The following LAMC2 variants were observed in gnomAD, a reference collection of about 807,000 sequenced individuals.
LAMC2 encodes the protein laminin subunit gamma 2.
Under a neutral mutation model 140.2 loss-of-function variants are expected in LAMC2, and 97 were observed. That is an observed-to-expected ratio of 0.69 (90% confidence interval 0.59 to 0.82). The LOEUF (loss-of-function observed/expected upper bound fraction) is 0.82. Ranked by LOEUF, LAMC2 falls within the 40% of genes least tolerant of loss-of-function variation. The pLI is 0.00. For synonymous variants in LAMC2, 513 were observed against 540.2 expected (o/e 0.95, Z 0.70); for missense variants, 1,402 against 1,476.1 (o/e 0.95, Z 0.82).
intron 14 of LAMC2, among the ~76,000 whole-genome samples, chr1:183,233,202 C>CA (rs1659851172): frequency 6.6e-6 from 1 of 151,880 alleles, no homozygotes; most frequent in Non-Finnish European, 1.5e-5. Flanking sequence ...GCCTACAACA[C>CA]AGTGTATAGC....
chr1:183,186,937 T>C (rs148987539), intron 1 of LAMC2, among the ~76,000 whole-genome samples: 330 of 152,342 alleles, frequency 2.2e-3, no homozygotes, highest in Non-Finnish European at 1.7e-3. Context: ...ACGTTACTTT[T>C]CATAGTATTT....
intron 5 of LAMC2, among the ~76,000 whole-genome samples, chr1:183,221,348 G>A (rs1394224319): frequency 1.3e-5 from 2 of 152,178 alleles, no homozygotes; most frequent in African/African-American, 2.4e-5. Flanking sequence ...GCTGATTTAT[G>A]TGAAATTAGT....
Position 183,240,323 on chromosome 1 carries a change from G to C in LAMC2, c.3260G>C (p.Arg1087Thr), listed in dbSNP as rs150585529. Residue 1087 changes from arginine to threonine, a missense_variant, in exon 22 of 23, where the codon AGA becomes ACA. Arg to Thr is a moderately conservative substitution (Grantham distance 71). Coordinates refer to ENST00000264144, the MANE Select transcript of LAMC2 (RefSeq NM_005562.3). ...ACAGAAGCCCAGAAGGTTGATACCA[G>C]AGCCAAGAACGCTGGGGTTACAATC... ...VITEAQKVDT[R>T]AKNAGVTIQD... is the part of the protein sequence containing the mutation. 5 of 1,614,102 alleles carry C rather than the reference G, an allele frequency of 3.1e-6. No individual in the cohort carries two copies. Among genetic ancestry groups the C allele is most frequent in the Non-Finnish European group, 4.2e-6 (5 of 1,180,052 alleles).
In LAMC2 at chr1:183,228,918, A is replaced by G. The variant is rs956600371; in HGVS notation, c.1714+299A>G. Among the ~76,000 whole-genome samples, 2 of 152,200 alleles carry G rather than the reference A, an allele frequency of 1.3e-5. No homozygotes were observed. Among genetic ancestry groups the G allele is most frequent in the African/African-American group, 2.4e-5 (1 of 41,452 alleles). On this transcript the variant is annotated intron_variant, in intron 11 of 22. Coordinates refer to ENST00000264144, the MANE Select transcript of LAMC2 (RefSeq NM_005562.3). This position sits in a 1 kb window ranked among gnomAD's most constrained non-coding sequence, Gnocchi z 4.3. The stretch of plus-strand genomic sequence containing the variant: ...AACACGGGGCCACATCCTATGCCCA[A>G]TCCCAAGGCAGGGAGGCAGGGAAGT...
chr1:183,218,606 C>G lies in LAMC2; in HGVS notation c.503+118C>G, dbSNP rs1203801206. 6 of 792,042 alleles carry G rather than the reference C, an allele frequency of 7.6e-6. No homozygotes were observed. The African/African-American group carries it at 1.0e-4, about 14-fold the overall frequency. 49.1% of individuals were successfully genotyped at this position (792,042 alleles called of 1,614,324 possible). On this transcript the variant is annotated intron_variant, in intron 4 of 22. Coordinates refer to ENST00000264144, the MANE Select transcript of LAMC2 (RefSeq NM_005562.3). ...ATACTTGACAAACGTTGATGACCTT[C>G]TTCCTGCTCTCTGTCCTCAAAAACT... is the stretch of plus-strand genomic sequence containing the variant.
chr1:183,237,360 A>C lies in LAMC2; in HGVS notation c.2610A>C (p.Glu870Asp). ...TTTCTTTGGGCTCATAGGTGGAAGAAGCAAAGAGGATCAAACAAAAAGCGG... is the reference window on the plus strand; with the variant it reads ...TTTCTTTGGGCTCATAGGTGGAAGACGCAAAGAGGATCAAACAAAAAGCGG... ...GVSDQSFQVE[E>D]AKRIKQKADS... The change falls in exon 18 of 23, where the codon GAA becomes GAC. Residue 870 changes from glutamate to aspartate, a missense_variant. Around this residue, in one of 3 missense-constraint regions of LAMC2, gnomAD observed 670 missense variants for 667.2 expected, o/e 1.00. Coordinates refer to ENST00000264144, the MANE Select transcript of LAMC2 (RefSeq NM_005562.3). 6.2e-7 allele frequency: 1 copy of C among 1,614,192 alleles called. No homozygotes were observed. Among genetic ancestry groups the C allele is most frequent in the Non-Finnish European group, 8.5e-7 (1 of 1,180,024 alleles).
chr1:183,257,697 T>G, the LAMC2 span, among the ~76,000 whole-genome samples: 1 of 152,184 alleles, frequency 6.6e-6, no homozygotes, highest in Non-Finnish European at 1.5e-5. Flanking sequence ...ATCTTATTTC[T>G]GAGACATCTG....
chr1:183,214,960 T>C (rs12404282), intron 2 of LAMC2, among the ~76,000 whole-genome samples: 39,281 of 152,068 alleles, frequency 0.26, 5,878 homozygotes, highest in African/African-American at 0.39. Flanking sequence ...GGACACTCTC[T>C]AGCACTCCTG....
downstream of LAMC2, among the ~76,000 whole-genome samples, chr1:183,247,290 C>T (rs746561926): frequency 6.6e-6 from 1 of 151,890 alleles, no homozygotes; most frequent in Non-Finnish European, 1.5e-5. Context: ...CCAGTGTGGG[C>T]GACAAGAGCG....
intron 6 of LAMC2, among the ~76,000 whole-genome samples, chr1:183,222,847 C>A (rs1198198166): frequency 6.6e-6 from 1 of 152,128 alleles, no homozygotes; most frequent in Non-Finnish European, 1.5e-5. Context: ...TGCTGATAGG[C>A]CTGGGATTTT....
chr1:183,214,167 C>T (rs1425441430), intron 2 of LAMC2, among the ~76,000 whole-genome samples: 2 of 152,182 alleles, frequency 1.3e-5, no homozygotes, highest in African/African-American at 2.4e-5. Context: ...TCCACAACAG[C>T]TCAGCCCTCC....
chr1:183,254,880 G>A, the LAMC2 span, among the ~76,000 whole-genome samples: 1 of 152,102 alleles, frequency 6.6e-6, no homozygotes, highest in Non-Finnish European at 1.5e-5. Context: ...TTTTCATTTT[G>A]TTGGTTGTTT....
rs1268276420 is a variant in LAMC2, at chr1:183,207,938, A to G, written c.137A>G (p.Gln46Arg). 1 of 1,613,834 alleles carries G rather than the reference A, an allele frequency of 6.2e-7. No individual in the cohort carries two copies. Among genetic ancestry groups the G allele is most frequent in the Non-Finnish European group, 8.5e-7 (1 of 1,179,990 alleles). ...QCIFDRELHRQTGNGFRCLNC... is the reference protein window; with the variant it reads ...QCIFDRELHRRTGNGFRCLNC... ...ATCTTTGATCGGGAACTTCACAGAC[A>G]AACTGGTAATGGATTCCGCTGCCTC... Residue 46 changes from glutamine (Q) to arginine (R), a missense_variant, in exon 2 of 23, where the codon CAA (glutamine) becomes CGA (arginine). Gln to Arg is a conservative substitution (Grantham distance 43). Around this residue, in one of 3 missense-constraint regions of LAMC2, gnomAD observed 723 missense variants for 783.3 expected, o/e 0.92. Transcript: ENST00000264144.
intron 4 of LAMC2, among the ~76,000 whole-genome samples, chr1:183,219,781 C>T (rs1659408297): frequency 6.6e-6 from 1 of 152,176 alleles, no homozygotes; most frequent in South Asian, 2.1e-4. Flanking sequence ...TTCACAGCTA[C>T]CCTGCTTTTC....
rs1659602015 is a variant in LAMC2, at chr1:183,225,613, A to G, written c.959A>G (p.Asn320Ser). ...TTTGATTTTAAATTATGCAGGTTAAATGAGCATCCAAGCAATAATTGGAGC... is the reference window on the plus strand; with the variant it reads ...TTTGATTTTAAATTATGCAGGTTAAGTGAGCATCCAAGCAATAATTGGAGC... ...GLTKTYTFRL[N>S]EHPSNNWSPQ... Residue 320 changes from asparagine to serine, a missense_variant, in exon 8 of 23, where the codon AAT becomes AGT. Transcript: ENST00000264144. 1 of 1,608,834 alleles carries G rather than the reference A, an allele frequency of 6.2e-7. No individual in the cohort carries two copies. Among genetic ancestry groups the G allele is most frequent in the Non-Finnish European group, 8.5e-7 (1 of 1,175,138 alleles).
downstream of LAMC2, among the ~76,000 whole-genome samples, chr1:183,246,861 A>G (rs151002158): frequency 6.6e-6 from 1 of 152,342 alleles, no homozygotes; most frequent in East Asian, 1.9e-4. Context: ...CCTTCTTCAT[A>G]CTATTGGCTA....
intron 1 of LAMC2, among the ~76,000 whole-genome samples, chr1:183,197,808 T>G (rs1658568939): frequency 6.6e-6 from 1 of 152,142 alleles, no homozygotes; most frequent in East Asian, 1.9e-4. Flanking sequence ...TTACGGTGGT[T>G]ATTGAAGTCC....
chr1:183,222,332 C>T lies in LAMC2; in HGVS notation c.763+121C>T, dbSNP rs186451007. The stretch of plus-strand genomic sequence containing the variant: ...TTTGGGTTCAGGGTAGCAGCATCTC[C>T]GGGTAGTGCAACCCCAGAAGAGAGA... On this transcript the variant is annotated intron_variant, in intron 6 of 22. Transcript: ENST00000264144. 1.0e-4 allele frequency: 108 copies of T among 1,033,430 alleles called. No homozygotes were observed. The African/African-American group carries it at 1.2e-3, about 11-fold the overall frequency. The allele number at this position is 1,033,430 out of a possible 1,614,324, so 64.0% of individuals were successfully genotyped here.
chr1:183,226,648 A>T, intron 8 of LAMC2, 50 bp from the exon 9 acceptor site: 1 of 1,468,036 alleles, frequency 6.8e-7, no homozygotes, highest in Non-Finnish European at 9.6e-7. Context: ...CTGACTTGAG[A>T]TCTTTAGACT....
Sources: allele counts gnomAD v4.1 joint callset (sites outside exome capture counted in the v4.1 genomes callset), GRCh38; gene constraint gnomAD v4.1.1; regional missense constraint gnomAD v4.1.1; non-coding constraint Gnocchi (gnomAD v3.1); transcripts MANE v1.5; gene names NCBI Gene and HGNC (gene_info 2026-07-23, HGNC 2026-07-21).